Variants in PCYT1A observed in about 807,000 individuals in gnomAD.
The protein encoded by PCYT1A is choline-phosphate cytidylyltransferase A.
In PCYT1A, 25 loss-of-function variants were observed where a neutral mutation model predicts 43.7. The observed-to-expected ratio is 0.57, with a 90% confidence interval of 0.42 to 0.80. PCYT1A has a LOEUF of 0.80. Ranked by LOEUF, PCYT1A falls within the 30% of genes least tolerant of loss-of-function variation. The probability of loss-of-function intolerance (pLI) is 0.00; values close to 1 mark genes in which losing one functional copy is unlikely to be tolerated. For synonymous variants in PCYT1A, 172 were observed against 170.7 expected (o/e 1.01, Z -0.06); for missense variants, 421 against 474.2 (o/e 0.89, Z 1.04).
intron 3 of PCYT1A, among the ~76,000 whole-genome samples, chr3:196,255,252 C>T (rs1420251693): frequency 1.3e-5 from 2 of 152,110 alleles, no homozygotes; most frequent in African/African-American, 4.8e-5. Flanking sequence ...CTGTTTGTTC[C>T]ACCAAAAATA....
chr3:196,273,348 CGTGTTTCGGCTCTGTTT>C lies in PCYT1A; in HGVS notation c.-10-2824_-10-2808del, dbSNP rs1157140415. On this transcript the variant is annotated intron_variant, in intron 1 of 8. Transcript: ENST00000431016. This position sits in a 1 kb window ranked among gnomAD's most constrained non-coding sequence, Gnocchi z 4.1. Reference sequence around the variant, plus strand: ...TGGCAAGCAGTGGGGGAGGGGAGGACGTGTTTCGGCTCTGTTTGTGTTTCAGCTCTTTCAGTCCCACC... The same window carrying C: ...TGGCAAGCAGTGGGGGAGGGGAGGACGTGTTTCAGCTCTTTCAGTCCCACC... Among the ~76,000 whole-genome samples, 1 of 152,168 alleles carries C rather than the reference CGTGTTTCGGCTCTGTTT, an allele frequency of 6.6e-6. No homozygotes were observed. The highest frequency in any genetic ancestry group is 1.5e-5 in the Non-Finnish European group (1 of 68,036).
Position 196,247,925 on chromosome 3 carries a change from C to T in PCYT1A, c.334+282G>A. 6.0e-6 allele frequency: 3 copies of T among 501,786 alleles called. No homozygotes were observed. The highest frequency in any genetic ancestry group is 3.6e-6 in the Non-Finnish European group (1 of 276,084). The allele number at this position is 501,786 out of a possible 1,614,324, so 31.1% of individuals were successfully genotyped here. On this transcript the variant is annotated intron_variant, in intron 4 of 8. Coordinates refer to ENST00000431016, the MANE Select transcript of PCYT1A (RefSeq NM_001312673.2). This position sits in a 1 kb window ranked among gnomAD's most constrained non-coding sequence, Gnocchi z 4.8. ...CAAAATGATAAACTGAAATCTAAAG[C>T]AAATGTTTTAAAGTGGACAACGGAA...
intron 1 of PCYT1A, among the ~76,000 whole-genome samples, chr3:196,285,647 G>A (rs574435909): frequency 6.6e-6 from 1 of 152,198 alleles, no homozygotes; most frequent in Non-Finnish European, 1.5e-5. Flanking sequence ...GCCAGGCTTG[G>A]CCTCAGTGTA....
In PCYT1A at chr3:196,247,866, A is replaced by T; in HGVS notation, c.334+341T>A. On this transcript the variant is annotated intron_variant, in intron 4 of 8. Coordinates refer to ENST00000431016, the MANE Select transcript of PCYT1A (RefSeq NM_001312673.2). This position sits in a 1 kb window ranked among gnomAD's most constrained non-coding sequence, Gnocchi z 4.8. ...TTCACACTGGACTGGACCACCTAAC[A>T]TTTCCTTGGCAGACTTTTGTACTCC... is the stretch of plus-strand genomic sequence containing the variant. 2.1e-6 allele frequency: 1 copy of T among 486,892 alleles called. No homozygotes were observed. Among genetic ancestry groups the T allele is most frequent in the East Asian group, 4.0e-5 (1 of 25,094 alleles). 30.2% of individuals were successfully genotyped at this position (486,892 alleles called of 1,614,324 possible).
Position 196,238,802 on chromosome 3 carries a change from G to T in PCYT1A, c.990C>A (p.Pro330=), listed in dbSNP as rs371440341. The change falls in exon 9 of 9, where the codon CCC becomes CCA. Residue 330 remains proline, a synonymous_variant. Coordinates refer to ENST00000431016, the MANE Select transcript of PCYT1A (RefSeq NM_001312673.2). ...PSSSPTRERS[P]SPSFRWPFSG... is the part of the protein sequence containing the mutation. The stretch of plus-strand genomic sequence containing the variant: ...AGAAGGGCCATCGGAAAGAGGGGGA[G>T]GGGGAGCGCTCGCGAGTAGGGCTGC... 17 of 1,582,490 alleles carry T rather than the reference G, an allele frequency of 1.1e-5. No individual in the cohort carries two copies. In the East Asian group the frequency reaches 1.7e-4, roughly 16 times the overall value.
Position 196,252,909 on chromosome 3 carries a change from A to G in PCYT1A, c.218-4586T>C, listed in dbSNP as rs1453604741. ...CAGCATGTGTCAACTAAAAAAAAAG[A>G]AGAAAAAAATATTTTTAAAAAGATA... On this transcript the variant is annotated intron_variant, in intron 3 of 8. Transcript: ENST00000431016. The surrounding 1 kb of genome is among the most constrained non-coding windows in gnomAD (Gnocchi z 4.0). Among the ~76,000 whole-genome samples the G allele has an allele frequency of 7.2e-6, 1 of 139,750 alleles. No homozygotes were observed. The highest frequency in any genetic ancestry group is 7.7e-5 in the Admixed American group (1 of 12,934). The allele number at this position is 139,750 out of a possible 152,430, so 91.7% of individuals were successfully genotyped here. A position where few individuals can be genotyped will look rare whatever the true frequency, so the allele number is the denominator to read the frequency against.
chr3:196,276,278 C>T (rs1340405786), intron 1 of PCYT1A, among the ~76,000 whole-genome samples: 1 of 151,810 alleles, frequency 6.6e-6, no homozygotes, highest in Non-Finnish European at 1.5e-5. Flanking sequence ...ACATTGTATC[C>T]CATAAATATA....
intron 5 of PCYT1A, among the ~76,000 whole-genome samples, chr3:196,243,893 C>G (rs1414661232): frequency 6.6e-6 from 1 of 152,278 alleles, no homozygotes; most frequent in African/African-American, 2.4e-5. Flanking sequence ...ACAACCTCCA[C>G]CTCCCAGCCG....
In PCYT1A at chr3:196,268,897, G is replaced by A. The variant is rs554173794; in HGVS notation, c.117+1518C>T. On this transcript the variant is annotated intron_variant, in intron 2 of 8. Transcript: ENST00000431016. The surrounding 1 kb of genome is among the most constrained non-coding windows in gnomAD (Gnocchi z 4.4). ...TCTGGTTTATCTGGGTATACCGAAC[G>A]TAATCACAAGAGTCCTTGTAAGTGA... Among the ~76,000 whole-genome samples, 3 of 152,338 alleles carry A rather than the reference G, an allele frequency of 2.0e-5. No individual in the cohort carries two copies. The highest frequency in any genetic ancestry group is 2.9e-5 in the Non-Finnish European group (2 of 68,032).
chr3:196,263,450 T>C (rs1725174207), intron 2 of PCYT1A, among the ~76,000 whole-genome samples: 2 of 152,166 alleles, frequency 1.3e-5, no homozygotes, highest in African/African-American at 2.4e-5. Context: ...CTCAAATTCC[T>C]GGCCTCAAGG....
At chr3:196,285,625 C>T (rs193085319) in intron 1 of PCYT1A, among the ~76,000 whole-genome samples, 1 of 152,182 alleles carries the variant, frequency 6.6e-6, no homozygotes, top group Non-Finnish European at 1.5e-5. Context: ...AGTGTGGTAT[C>T]ATTCCTAGCA....
At position 196,238,835 on chromosome 3, in the gene PCYT1A, G is replaced by A. The variant is rs200816001; in HGVS notation, c.957C>T (p.Ser319=). The change falls in exon 9 of 9, where the codon AGC becomes AGT. Residue 319 remains serine (S), a synonymous_variant. Coordinates refer to ENST00000431016, the MANE Select transcript of PCYT1A (RefSeq NM_001312673.2). ...RMLQAISPKQ[S]PSSSPTRERS... ...GCTCGCGAGTAGGGCTGCTGCTGGG[G>A]CTCTGCTTCGGGCTGATGGCCTGCA... 64 of 1,561,566 alleles carry A rather than the reference G, an allele frequency of 4.1e-5. No individual in the cohort carries two copies. Among genetic ancestry groups the A allele is most frequent in the Non-Finnish European group, 4.9e-5 (57 of 1,154,542 alleles).
intron 5 of PCYT1A, among the ~76,000 whole-genome samples, chr3:196,243,515 C>T (rs1485494853): frequency 6.6e-6 from 1 of 151,288 alleles, no homozygotes; most frequent in Non-Finnish European, 1.5e-5. Flanking sequence ...CTCCCTTCTC[C>T]CCTCTCCCCT....
intron 7 of PCYT1A, 178 bp from the exon 8 acceptor site, chr3:196,239,913 CA>C: frequency 1.7e-6 from 1 of 579,676 alleles, no homozygotes; most frequent in Non-Finnish European, 3.1e-6. Context: ...TGTGGATGCA[CA>C]CACAAGAAGT....
chr3:196,262,205 A>T (rs922165642), intron 2 of PCYT1A, among the ~76,000 whole-genome samples: 1 of 152,204 alleles, frequency 6.6e-6, no homozygotes, highest in African/African-American at 2.4e-5. Flanking sequence ...TATAAATGAA[A>T]GAACATGGGG....
intron 1 of PCYT1A, among the ~76,000 whole-genome samples, chr3:196,279,154 G>A (rs1011291937): frequency 2.6e-5 from 4 of 151,876 alleles, no homozygotes; most frequent in African/African-American, 9.7e-5. Context: ...TGGGCGTGGT[G>A]GCAGGTGCCT....
In PCYT1A at chr3:196,248,220, G is replaced by C; in HGVS notation, c.321C>G (p.Tyr107Ter). Residue 107 changes from tyrosine to a stop codon, truncating the protein, a stop_gained, in exon 4 of 9, where the codon TAC becomes TAG. Transcript: ENST00000431016. LOFTEE classifies it high-confidence loss of function. ...MQAKNLFPNTYLIVGVCSDEL... is the reference protein window; with the variant it reads ...MQAKNLFPNT ...ATGTTTTCTTACCTCCCACAATGAG[G>C]TACGTATTAGGGAAAAGGTTCTTCG... 1 of 1,591,488 alleles carries C rather than the reference G, an allele frequency of 6.3e-7. No homozygotes were observed. Among genetic ancestry groups the C allele is most frequent in the Non-Finnish European group, 8.6e-7 (1 of 1,159,286 alleles).
intron 7 of PCYT1A, among the ~76,000 whole-genome samples, chr3:196,241,198 A>G (rs1577353490): frequency 6.7e-6 from 1 of 150,286 alleles, no homozygotes; most frequent in Non-Finnish European, 1.5e-5. Flanking sequence ...CTGTAATCAC[A>G]GCTATTCAGG....
In PCYT1A at chr3:196,247,375, C is replaced by T. The variant is rs140290837; in HGVS notation, c.478G>A (p.Glu160Lys). Residue 160 changes from glutamate (E) to lysine (K), a missense_variant, in exon 5 of 9, where the codon GAA becomes AAA. Glu to Lys is a moderately conservative substitution (Grantham distance 56). This residue lies in a region of PCYT1A where 174 missense variants were observed against 270.7 expected (regional missense o/e 0.64). Coordinates refer to ENST00000431016, the MANE Select transcript of PCYT1A (RefSeq NM_001312673.2). The surrounding 1 kb of genome is among the most constrained non-coding windows in gnomAD (Gnocchi z 4.8). ...TGTGTCCAGTTTCTTACCCGGTGTTCGGCCAGGAACTCGGGTGTCAGCGTC... is the reference window on the plus strand; with the variant it reads ...TGTGTCCAGTTTCTTACCCGGTGTTTGGCCAGGAACTCGGGTGTCAGCGTC... The part of the protein sequence containing the change: ...PWTLTPEFLA[E>K]HRIDFVAHDD... 661 of 1,614,006 alleles carry T rather than the reference C, an allele frequency of 4.1e-4. 6 individuals carry two copies. In the East Asian group the frequency reaches 0.011, roughly 28 times the overall value.
Sources: allele counts gnomAD v4.1 joint callset (sites outside exome capture counted in the v4.1 genomes callset), GRCh38; gene constraint gnomAD v4.1.1; regional missense constraint gnomAD v4.1.1; non-coding constraint Gnocchi (gnomAD v3.1); transcripts MANE v1.5; gene names NCBI Gene and HGNC (gene_info 2026-07-23, HGNC 2026-07-21).